The following CAB39L variants were observed in gnomAD, a reference collection of about 807,000 sequenced individuals.
CAB39L encodes calcium binding protein 39 like.
Under a neutral mutation model 39.1 loss-of-function variants are expected in CAB39L, and 23 were observed. The observed-to-expected ratio is 0.59, with a 90% confidence interval of 0.42 to 0.83. The LOEUF is 0.83. Ranked by LOEUF, CAB39L falls within the 40% of genes least tolerant of loss-of-function variation. The pLI, the probability that CAB39L is intolerant of heterozygous loss-of-function variation, is 0.00. For missense variants in CAB39L, 366 were observed against 391.9 expected, an observed-to-expected ratio of 0.93 and a Z score of 0.56; for synonymous variants, 126 against 137.2, an observed-to-expected ratio of 0.92 and a Z score of 0.57.
intron 10 of CAB39L, among the ~76,000 whole-genome samples, chr13:49,328,248 C>T (rs575777205): frequency 3.3e-5 from 5 of 152,294 alleles, no homozygotes; most frequent in African/African-American, 1.2e-4. Context: ...CTGTCCAATC[C>T]TACAAAAATC....
intron 9 of CAB39L, among the ~76,000 whole-genome samples, chr13:49,337,792 G>A (rs979988040): frequency 1.4e-5 from 2 of 147,062 alleles, no homozygotes; most frequent in African/African-American, 5.1e-5. Context: ...CTCCCAAGTC[G>A]CCGCTTTCTG....
At chr13:49,395,586 CATAA>C (rs1045110338) in intron 3 of CAB39L, among the ~76,000 whole-genome samples, 1 of 152,098 alleles carries the variant, frequency 6.6e-6, no homozygotes, top group African/African-American at 2.4e-5. Context: ...TATAAAGTTT[CATAA>C]AGAGTAGTAC....
chr13:49,426,435 T>A (rs879309463), intron 3 of CAB39L, among the ~76,000 whole-genome samples: 7 of 150,064 alleles, frequency 4.7e-5, no homozygotes, highest in African/African-American at 1.5e-4. Flanking sequence ...TTTAAAATAT[T>A]TTTTTTTTTG....
chr13:49,377,899 G>A (rs1956127042), intron 4 of CAB39L, among the ~76,000 whole-genome samples: 1 of 78,652 alleles, frequency 1.3e-5, no homozygotes, highest in African/African-American at 7.6e-5. Context: ...ATCCCATCTA[G>A]GAAGTGAGGA....
At chr13:49,436,819 A>T (rs1957426240) in intron 1 of CAB39L, among the ~76,000 whole-genome samples, 1 of 152,048 alleles carries the variant, frequency 6.6e-6, no homozygotes, top group Non-Finnish European at 1.5e-5. Context: ...TTATCTCTAC[A>T]AATGTTAGTT....
intron 3 of CAB39L, among the ~76,000 whole-genome samples, chr13:49,430,516 G>A (rs925400286): frequency 6.6e-6 from 1 of 152,042 alleles, no homozygotes; most frequent in Admixed American, 6.6e-5. Flanking sequence ...AAAGTTACTG[G>A]GTTTTTCTCC....
At chr13:49,336,021 A>G (rs533732281) in intron 9 of CAB39L, among the ~76,000 whole-genome samples, 2 of 152,270 alleles carry the variant, frequency 1.3e-5, no homozygotes, top group East Asian at 1.9e-4. Flanking sequence ...ATCCATTTAT[A>G]CAGAAACACA....
chr13:49,347,711 T>C (rs1164960587), intron 7 of CAB39L, among the ~76,000 whole-genome samples: 1 of 152,116 alleles, frequency 6.6e-6, no homozygotes, highest in Non-Finnish European at 1.5e-5. Context: ...TTTGAGGGGA[T>C]CATCTCTAGC....
chr13:49,384,062 A>C (rs1956303560), intron 3 of CAB39L, among the ~76,000 whole-genome samples: 1 of 152,218 alleles, frequency 6.6e-6, no homozygotes, highest in Non-Finnish European at 1.5e-5. Flanking sequence ...ATTTCTCTAT[A>C]GCATGTGATG....
Position 49,373,136 on chromosome 13 carries a change from G to A in CAB39L, c.276+3831C>T, listed in dbSNP as rs528828314. On this transcript the variant is annotated intron_variant, in intron 5 of 10. Coordinates refer to ENST00000409308, the MANE Select transcript of CAB39L (RefSeq NM_001079670.3). ...CTTTCTCCATGAACATCTTCCTTTT[G>A]TCATGGTTCTGGATACCTCTCTCTC... Among the ~76,000 whole-genome samples, 3 of 152,232 alleles carry A rather than the reference G, an allele frequency of 2.0e-5. No individual in the cohort carries two copies. The South Asian group carries it at 6.2e-4, about 32-fold the overall frequency.
At chr13:49,385,834 A>C (rs1002714518) in intron 3 of CAB39L, among the ~76,000 whole-genome samples, 1 of 152,222 alleles carries the variant, frequency 6.6e-6, no homozygotes, top group African/African-American at 2.4e-5. Flanking sequence ...TTAACATCAG[A>C]GATCACTGAT....
At chr13:49,389,556 G>A (rs1252027318) in intron 3 of CAB39L, among the ~76,000 whole-genome samples, 3 of 152,182 alleles carry the variant, frequency 2.0e-5, no homozygotes, top group South Asian at 2.1e-4. Context: ...CATGAGAATC[G>A]CTTGAACCCA....
At position 49,359,392 on chromosome 13, in the gene CAB39L, G is replaced by T. The variant is rs577877596; in HGVS notation, c.395+322C>A. ...AGGGCATTCAATCTCATGCAAGCAG[G>T]AAAAGGGTAAGTGGGCAGCTAGGAA... is the stretch of plus-strand genomic sequence containing the variant. On this transcript the variant is annotated intron_variant, in intron 6 of 10. Coordinates refer to ENST00000409308, the MANE Select transcript of CAB39L (RefSeq NM_001079670.3). Among the ~76,000 whole-genome samples, 5 of 152,216 alleles carry T rather than the reference G, an allele frequency of 3.3e-5. No homozygotes were observed. In the South Asian group the frequency reaches 1.0e-3, roughly 32 times the overall value.
At chr13:49,336,490 C>T (rs533194308) in intron 9 of CAB39L, among the ~76,000 whole-genome samples, 2 of 152,254 alleles carry the variant, frequency 1.3e-5, no homozygotes, top group South Asian at 2.1e-4. Context: ...AAAGATGCCT[C>T]GTGAATAGGC....
intron 2 of CAB39L, 109 bp downstream of exon 2, chr13:49,433,977 C>CG: frequency 2.9e-6 from 1 of 343,518 alleles, no homozygotes; most frequent in South Asian, 2.3e-5. Context: ...TTTTAGTTCG[C>CG]ACCTTTACTA....
chr13:49,419,287 A>G (rs1957134397), intron 3 of CAB39L, among the ~76,000 whole-genome samples: 1 of 152,246 alleles, frequency 6.6e-6, no homozygotes, highest in Non-Finnish European at 1.5e-5. Context: ...TCAAAGAACT[A>G]TTCGATAAAT....
intron 1 of CAB39L, among the ~76,000 whole-genome samples, chr13:49,436,553 CTTTTTTTTTTTT>C (rs57141770): frequency 4.1e-5 from 3 of 73,428 alleles, no homozygotes; most frequent in Non-Finnish European, 7.0e-5. Context: ...TTCTTTATGA[CTTTTTTTTTTTT>C]TTTTTTTTTT....
At chr13:49,339,881 G>A (rs772014922) in intron 8 of CAB39L, 139 bp from the exon 9 acceptor site, 156 of 1,049,658 alleles carry the variant, frequency 1.5e-4, no homozygotes, top group Non-Finnish European at 1.8e-4. Context: ...AAGACACTGG[G>A]GGACAGGGAG....
intron 3 of CAB39L, among the ~76,000 whole-genome samples, chr13:49,426,378 C>T (rs535564786): frequency 6.6e-6 from 1 of 152,302 alleles, no homozygotes; most frequent in South Asian, 2.1e-4. Context: ...TCTATCTGAT[C>T]CTTGTTCAAG....
Sources: allele counts gnomAD v4.1 joint callset (sites outside exome capture counted in the v4.1 genomes callset), GRCh38; gene constraint gnomAD v4.1.1; transcripts MANE v1.5; gene names NCBI Gene and HGNC (gene_info 2026-07-23, HGNC 2026-07-21).